SYT1: variants seen among roughly 807,000 people sequenced by gnomAD.
The protein encoded by SYT1 is synaptotagmin-1.
Under a neutral mutation model 44.8 loss-of-function variants are expected in SYT1, and 8 were observed. That is an observed-to-expected ratio of 0.18 (90% CI 0.10 to 0.32). SYT1 has a LOEUF of 0.32. Among genes scored for constraint, SYT1 ranks in the 10% least tolerant of loss-of-function variants. SYT1 has a pLI of 1.00. For missense variants in SYT1, 286 were observed against 509.3 expected, an observed-to-expected ratio of 0.56 and a Z score of 4.22; for synonymous variants, 154 against 188.8, an observed-to-expected ratio of 0.82 and a Z score of 1.51.
At chr12:79,209,476 T>G (rs1874314622) in intron 3 of SYT1, among the ~76,000 whole-genome samples, 1 of 152,222 alleles carries the variant, frequency 6.6e-6, no homozygotes. Context: ...CTTGCTGAAC[T>G]GATATGCCAT....
rs182543602 is a variant in SYT1, at chr12:79,390,075, G to A, written c.928+36456G>A. 4.0e-3 allele frequency among the ~76,000 whole-genome samples: 602 copies of A among 152,080 alleles called. 6 individuals carry two copies. Among genetic ancestry groups the A allele is most frequent in the African/African-American group, 0.014 (579 of 41,464 alleles). ...AGCCTCCTGAGTAGCTGGGACTACA[G>A]GCGCCCGCCACCATGCCCGGCTAAT... On this transcript the variant is annotated intron_variant, in intron 9 of 10. Coordinates refer to ENST00000261205, the MANE Select transcript of SYT1 (RefSeq NM_005639.3).
chr12:79,099,189 T>G (rs1878310123), intron 3 of SYT1, among the ~76,000 whole-genome samples: 1 of 152,098 alleles, frequency 6.6e-6, no homozygotes, highest in Non-Finnish European at 1.5e-5. Context: ...ACAGTCCTGA[T>G]CCTGAGAAAA....
chr12:78,883,740 C>A (rs1874587364), intron 1 of SYT1, among the ~76,000 whole-genome samples: 1 of 151,636 alleles, frequency 6.6e-6, no homozygotes, highest in South Asian at 2.1e-4. Flanking sequence ...TTCCCTTTCA[C>A]TTTCTCTCCA....
intron 8 of SYT1, among the ~76,000 whole-genome samples, chr12:79,322,983 A>G (rs1227991607): frequency 6.6e-6 from 1 of 152,202 alleles, no homozygotes; most frequent in African/African-American, 2.4e-5. Context: ...GCTTCAAGGC[A>G]AGGGAATAGA....
intron 10 of SYT1, among the ~76,000 whole-genome samples, chr12:79,444,912 T>C (rs1870621213): frequency 6.6e-6 from 1 of 152,134 alleles, no homozygotes; most frequent in South Asian, 2.1e-4. Context: ...CCCATCTCCA[T>C]AGTTAGCCTA....
chr12:79,053,299 T>C (rs1432355217), intron 3 of SYT1, among the ~76,000 whole-genome samples: 1 of 151,966 alleles, frequency 6.6e-6, no homozygotes, highest in Non-Finnish European at 1.5e-5. Flanking sequence ...TAGGTGGGAA[T>C]TGAACAATGA....
At chr12:79,223,433 G>T (rs1875295831) in intron 4 of SYT1, among the ~76,000 whole-genome samples, 1 of 152,122 alleles carries the variant, frequency 6.6e-6, no homozygotes. Flanking sequence ...TCTAACAGCT[G>T]GATGCAGCTG....
In SYT1 at chr12:79,417,854, C is replaced by T. The variant is rs548034857; in HGVS notation, c.929-26219C>T. 4.5e-4 allele frequency among the ~76,000 whole-genome samples: 68 copies of T among 150,750 alleles called. No homozygotes were observed. The South Asian group carries it at 0.014, about 31-fold the overall frequency. On this transcript the variant is annotated intron_variant, in intron 9 of 10. Coordinates refer to ENST00000261205, the MANE Select transcript of SYT1 (RefSeq NM_005639.3). ...GTTGTGCTTTTCTGTTTTTCTTTTG[C>T]ATATCATGTCCTGAGAATCTTGTTA... is the stretch of plus-strand genomic sequence containing the variant.
At chr12:79,279,583 A>G (rs1354250412) in intron 4 of SYT1, among the ~76,000 whole-genome samples, 1 of 152,002 alleles carries the variant, frequency 6.6e-6, no homozygotes, top group East Asian at 1.9e-4. Flanking sequence ...TGTTCCCCCT[A>G]AGAACCAGAA....
At chr12:79,261,973 T>C (rs1161680953) in intron 4 of SYT1, among the ~76,000 whole-genome samples, 2 of 152,334 alleles carry the variant, frequency 1.3e-5, no homozygotes, top group Non-Finnish European at 2.9e-5. Flanking sequence ...ACATAAACAT[T>C]CATTTTAATT....
chr12:79,329,002 T>C (rs1296785301), intron 8 of SYT1, among the ~76,000 whole-genome samples: 1 of 152,194 alleles, frequency 6.6e-6, no homozygotes, highest in Non-Finnish European at 1.5e-5. Context: ...CTCATGGACT[T>C]TGTGATTTCC....
chr12:79,156,688 T>C (rs929101006), intron 3 of SYT1, among the ~76,000 whole-genome samples: 1 of 152,228 alleles, frequency 6.6e-6, no homozygotes, highest in South Asian at 2.1e-4. Context: ...AGGATGGTCT[T>C]GATCTCCTGA....
At chr12:79,098,305 A>ATAAAATAAAGTGGCCCCTAATAAAGAG (rs1878263789) in intron 3 of SYT1, among the ~76,000 whole-genome samples, 1 of 152,060 alleles carries the variant, frequency 6.6e-6, no homozygotes, top group Non-Finnish European at 1.5e-5. Context: ...AATAATTCTA[A>ATAAAATAAAGTGGCCCCTAATAAAGAG]GTTACCTTGA....
At chr12:79,064,218 G>A (rs950613421) in intron 3 of SYT1, among the ~76,000 whole-genome samples, 1 of 152,116 alleles carries the variant, frequency 6.6e-6, no homozygotes, top group Non-Finnish European at 1.5e-5. Context: ...GAATGAGAGA[G>A]ACAGGGAAGA....
chr12:78,931,831 C>G (rs1565724320), intron 1 of SYT1, among the ~76,000 whole-genome samples: 1 of 152,164 alleles, frequency 6.6e-6, no homozygotes, highest in Non-Finnish European at 1.5e-5. Context: ...CTTCTCTAAT[C>G]TAATGAGGTA....
chr12:79,134,372 C>T (rs985259334), intron 3 of SYT1, among the ~76,000 whole-genome samples: 1 of 152,122 alleles, frequency 6.6e-6, no homozygotes, highest in Non-Finnish European at 1.5e-5. Context: ...AAGGTAAAAG[C>T]TGAGGAACAT....
At chr12:79,095,530 G>C (rs956892715) in intron 3 of SYT1, among the ~76,000 whole-genome samples, 3 of 151,790 alleles carry the variant, frequency 2.0e-5, no homozygotes, top group Non-Finnish European at 4.4e-5. Flanking sequence ...TTACAAAAGT[G>C]ATTCAAATCA....
intron 9 of SYT1, among the ~76,000 whole-genome samples, chr12:79,395,687 A>G (rs1884840524): frequency 6.6e-6 from 1 of 152,138 alleles, no homozygotes; most frequent in East Asian, 1.9e-4. Flanking sequence ...ATGCCTGACT[A>G]TTACAGACTT....
chr12:79,288,803 G>C (rs990368062), intron 5 of SYT1, among the ~76,000 whole-genome samples: 1 of 152,116 alleles, frequency 6.6e-6, no homozygotes, highest in Non-Finnish European at 1.5e-5. Context: ...GTCCTTATCT[G>C]TGTTGTGTCT....
Sources: allele counts gnomAD v4.1 joint callset (sites outside exome capture counted in the v4.1 genomes callset), GRCh38; gene constraint gnomAD v4.1.1; transcripts MANE v1.5; gene names NCBI Gene and HGNC (gene_info 2026-07-23, HGNC 2026-07-21).